The following MEIS1 variants were observed in gnomAD, a reference collection of about 807,000 sequenced individuals.
MEIS1 encodes the protein Meis homeobox 1.
Under a neutral mutation model 50.8 loss-of-function variants are expected in MEIS1, and 5 were observed. The observed-to-expected ratio is 0.10, with a 90% CI of 0.05 to 0.21. MEIS1 has a LOEUF of 0.21. Among genes scored for constraint, MEIS1 ranks in the 10% least tolerant of loss-of-function variants. The pLI is 1.00. For synonymous variants in MEIS1, 176 were observed against 179.3 expected, an observed-to-expected ratio of 0.98 and a Z score of 0.15; for missense variants, 318 against 517.3, an observed-to-expected ratio of 0.61 and a Z score of 3.74.
At chr2:66,492,636 T>G (rs1436447448) in intron 7 of MEIS1, among the ~76,000 whole-genome samples, 1 of 152,196 alleles carries the variant, frequency 6.6e-6, no homozygotes, top group Non-Finnish European at 1.5e-5. Flanking sequence ...AGTTGAGTAT[T>G]CAGCTTGTTC....
Position 66,440,610 on chromosome 2 carries a change from T to C in MEIS1, c.430T>C (p.Leu144=), listed in dbSNP as rs1415277439. The change falls in exon 4 of 13, where the codon TTG becomes CTG. Residue 144 remains leucine (L), a splice_region_variant and synonymous_variant. Coordinates refer to ENST00000272369, the MANE Select transcript of MEIS1 (RefSeq NM_002398.3). Reference sequence around the variant, plus strand: ...TTCTTCTAATCCAGAACTGGATAACTTGGTAAGAGCGGACCCCTATTTCCC... The same window carrying C: ...TTCTTCTAATCCAGAACTGGATAACCTGGTAAGAGCGGACCCCTATTTCCC... ...LFSSNPELDN[L]MIQAIQVLRF... 8 of 1,611,048 alleles carry C rather than the reference T, an allele frequency of 5.0e-6. No homozygotes were observed. In the Admixed American group the frequency reaches 1.0e-4, roughly 20 times the overall value.
chr2:66,438,026 C>T (rs927213151), intron 2 of MEIS1, 63 bp downstream of exon 2: 3 of 1,383,046 alleles, frequency 2.2e-6, no homozygotes, highest in African/African-American at 2.9e-5. Flanking sequence ...TCTCTGTGCC[C>T]TTGGTAAGAG....
Position 66,544,424 on chromosome 2 carries a change from C to T in MEIS1, c.889-3519C>T, listed in dbSNP as rs557130048. Among the ~76,000 whole-genome samples, 9 of 152,212 alleles carry T rather than the reference C, an allele frequency of 5.9e-5. No individual in the cohort carries two copies. In the South Asian group the frequency reaches 6.2e-4, roughly 11 times the overall value. On this transcript the variant is annotated intron_variant, in intron 8 of 12. Coordinates refer to ENST00000272369, the MANE Select transcript of MEIS1 (RefSeq NM_002398.3). ...GTTAAGGATTAACTACATGAAGTCA[C>T]GGCTTTCATGTGATTCTAGCAATTA... is the stretch of plus-strand genomic sequence containing the variant.
chr2:66,484,320 A>G (rs1673085414), intron 7 of MEIS1, among the ~76,000 whole-genome samples: 1 of 152,028 alleles, frequency 6.6e-6, no homozygotes. Flanking sequence ...TCTCTTTTTT[A>G]TGTGTACAGT....
intron 6 of MEIS1, among the ~76,000 whole-genome samples, chr2:66,461,111 T>C (rs1672508423): frequency 6.6e-6 from 1 of 152,234 alleles, no homozygotes; most frequent in East Asian, 1.9e-4. Context: ...TCTAATGCCA[T>C]GCATTCTTGA....
chr2:66,488,551 G>A (rs1323028980), intron 7 of MEIS1, among the ~76,000 whole-genome samples: 1 of 152,012 alleles, frequency 6.6e-6, no homozygotes, highest in Non-Finnish European at 1.5e-5. Context: ...GGTGGTGGGC[G>A]CCTGTAGTCC....
chr2:66,457,234 G>T (rs1352878588), intron 6 of MEIS1, among the ~76,000 whole-genome samples: 3 of 149,008 alleles, frequency 2.0e-5, no homozygotes, highest in Admixed American at 6.7e-5. Context: ...TTGAGTAGAT[G>T]TAGCCCCAAA....
intron 9 of MEIS1, among the ~76,000 whole-genome samples, chr2:66,565,867 A>T (rs1240538540): frequency 6.6e-6 from 1 of 152,176 alleles, no homozygotes; most frequent in Non-Finnish European, 1.5e-5. Context: ...AATATTAAAT[A>T]ATTTTCTAAT....
intron 8 of MEIS1, among the ~76,000 whole-genome samples, chr2:66,533,785 G>A (rs1057379097): frequency 1.3e-5 from 2 of 152,168 alleles, no homozygotes; most frequent in African/African-American, 4.8e-5. Context: ...CTATGTGGGG[G>A]TCCCTGTGTC....
At chr2:66,491,443 C>T (rs1673269991) in intron 7 of MEIS1, among the ~76,000 whole-genome samples, 1 of 152,190 alleles carries the variant, frequency 6.6e-6, no homozygotes, top group African/African-American at 2.4e-5. Flanking sequence ...AAATGGTATC[C>T]ATTCCTATAG....
In MEIS1 at chr2:66,571,448, A is replaced by C. The variant is rs2103981497; in HGVS notation, c.*240A>C. 6.2e-7 allele frequency: 1 copy of C among 1,604,328 alleles called. No individual in the cohort carries two copies. The highest frequency in any genetic ancestry group is 2.2e-5 in the East Asian group (1 of 44,550). On this transcript the variant is annotated 3_prime_UTR_variant, in exon 13 of 13. Transcript: ENST00000272369. ...GAGGACCGCCCCACCCTGGAATGCC[A>C]ATGTCAGCATCAAGCCCCACAGTTC...
At chr2:66,560,855 C>T (rs923947554) in intron 9 of MEIS1, among the ~76,000 whole-genome samples, 3 of 152,074 alleles carry the variant, frequency 2.0e-5, no homozygotes, top group East Asian at 1.9e-4. Context: ...CTCCCCTACC[C>T]GCAGACACAC....
intron 7 of MEIS1, among the ~76,000 whole-genome samples, chr2:66,497,475 G>A (rs988781208): frequency 2.6e-4 from 40 of 152,292 alleles, no homozygotes; most frequent in African/African-American, 9.6e-4. Context: ...TTATTGTCTA[G>A]AGAAGAGATG....
At chr2:66,521,090 T>C (rs1674106467) in intron 8 of MEIS1, among the ~76,000 whole-genome samples, 1 of 152,230 alleles carries the variant, frequency 6.6e-6, no homozygotes, top group Admixed American at 6.5e-5. Flanking sequence ...TCCTTCCCTA[T>C]CTGGAATCTT....
chr2:66,557,674 A>G (rs1675100166), intron 9 of MEIS1, among the ~76,000 whole-genome samples: 1 of 151,904 alleles, frequency 6.6e-6, no homozygotes, highest in Non-Finnish European at 1.5e-5. Context: ...TCTTTTTTTT[A>G]CCTATTTATC....
chr2:66,564,289 T>C (rs1207290661), intron 9 of MEIS1, among the ~76,000 whole-genome samples: 2 of 152,190 alleles, frequency 1.3e-5, no homozygotes, highest in African/African-American at 4.8e-5. Flanking sequence ...GTGTTCTTAA[T>C]AACAACAAAC....
intron 8 of MEIS1, among the ~76,000 whole-genome samples, chr2:66,543,749 G>C (rs1027505865): frequency 6.6e-6 from 1 of 152,208 alleles, no homozygotes; most frequent in African/African-American, 2.4e-5. Context: ...ATGTGTTGCA[G>C]TTCTCCCAGT....
intron 7 of MEIS1, among the ~76,000 whole-genome samples, chr2:66,471,889 A>G (rs1426859377): frequency 6.6e-6 from 1 of 152,226 alleles, no homozygotes; most frequent in African/African-American, 2.4e-5. Context: ...CCAAAAATAC[A>G]TCACATATAG....
intron 3 of MEIS1, 175 bp downstream of exon 3, chr2:66,440,159 A>T: frequency 1.5e-6 from 1 of 660,000 alleles, no homozygotes; most frequent in Non-Finnish European, 2.5e-6. Context: ...CCAACCTCAG[A>T]TTTTCTCTCT....
Sources: allele counts gnomAD v4.1 joint callset (sites outside exome capture counted in the v4.1 genomes callset), GRCh38; gene constraint gnomAD v4.1.1; transcripts MANE v1.5; gene names NCBI Gene and HGNC (gene_info 2026-07-23, HGNC 2026-07-21).